The following CNTN3 variants were observed in gnomAD, a reference collection of about 807,000 sequenced individuals.
CNTN3 encodes contactin 3.
Under a neutral mutation model 119.1 loss-of-function variants are expected in CNTN3, and 60 were observed. The observed-to-expected ratio is 0.50, with a 90% confidence interval of 0.41 to 0.62. The LOEUF (loss-of-function observed/expected upper bound fraction) is 0.62. CNTN3 is among the 20% of genes least tolerant of loss of function. CNTN3 has a pLI of 0.00. For missense variants in CNTN3, 1,101 were observed against 1,242.4 expected, an observed-to-expected ratio of 0.89 and a Z score of 1.71; for synonymous variants, 450 against 438.7, an observed-to-expected ratio of 1.03 and a Z score of -0.32.
intron 1 of CNTN3, among the ~76,000 whole-genome samples, chr3:74,573,519 G>A (rs1045977192): frequency 3.9e-5 from 6 of 151,902 alleles, no homozygotes; most frequent in African/African-American, 1.5e-4. Context: ...TCAGAGAATG[G>A]GACAAAATAT....
rs549187070 is a variant in CNTN3, at chr3:74,491,498, TCAAAAAA to T, written c.183-4874_183-4868del. On this transcript the variant is annotated intron_variant, in intron 3 of 22. Transcript: ENST00000263665. ...GTTGGCAACAGAACCAGATCCTGTCTCAAAAAACAAAAAACAAAAAACAAACAAACAA... is the reference window on the plus strand; with the variant it reads ...GTTGGCAACAGAACCAGATCCTGTCTCAAAAAACAAAAAACAAACAAACAA... Among the ~76,000 whole-genome samples the T allele has an allele frequency of 6.1e-3, 924 of 152,102 alleles. 11 individuals carry two copies. The highest frequency in any genetic ancestry group is 0.02 in the African/African-American group (843 of 41,484).
intron 4 of CNTN3, among the ~76,000 whole-genome samples, chr3:74,437,403 A>G (rs995420105): frequency 6.6e-6 from 1 of 152,104 alleles, no homozygotes; most frequent in Non-Finnish European, 1.5e-5. Flanking sequence ...CAGAGCTTGC[A>G]GTGAGCCGAG....
At chr3:74,524,516 C>T (rs747190213) in intron 1 of CNTN3, among the ~76,000 whole-genome samples, 30 of 151,694 alleles carry the variant, frequency 2.0e-4, no homozygotes, top group Admixed American at 1.2e-3. Flanking sequence ...AATTGGGGTA[C>T]AGAGGAAGAA....
At chr3:74,337,389 A>G (rs1003778668) in intron 11 of CNTN3, among the ~76,000 whole-genome samples, 4 of 152,174 alleles carry the variant, frequency 2.6e-5, no homozygotes, top group Non-Finnish European at 4.4e-5. Context: ...ATAATATTCC[A>G]GTGAGTAGCA....
chr3:74,271,746 C>A (rs981613040), intron 20 of CNTN3, among the ~76,000 whole-genome samples: 1 of 152,120 alleles, frequency 6.6e-6, no homozygotes, highest in African/African-American at 2.4e-5. Context: ...TGTAACTAAG[C>A]TGCTTAAACA....
At chr3:74,472,487 A>G (rs1298575344) in intron 4 of CNTN3, among the ~76,000 whole-genome samples, 2 of 152,326 alleles carry the variant, frequency 1.3e-5, no homozygotes, top group East Asian at 3.9e-4. Flanking sequence ...ATATCCTAAG[A>G]TATCTTCAGT....
At chr3:74,322,169 CA>C (rs35201394) in intron 13 of CNTN3, among the ~76,000 whole-genome samples, 45,166 of 94,138 alleles carry the variant, frequency 0.48, 6,870 homozygotes, top group East Asian at 0.65. Context: ...CTGGGTGACT[CA>C]AAAAAAAAAA....
intron 2 of CNTN3, 94 bp downstream of exon 2, chr3:74,520,964 G>C (rs1468419533): frequency 8.4e-6 from 5 of 598,122 alleles, no homozygotes; most frequent in Non-Finnish European, 1.1e-5. Context: ...CTTTGCTACT[G>C]GTGGAGTTTT....
chr3:74,327,275 T>A (rs563227003), intron 13 of CNTN3, among the ~76,000 whole-genome samples: 5 of 151,890 alleles, frequency 3.3e-5, no homozygotes, highest in Admixed American at 1.3e-4. Context: ...ATTACAGGCA[T>A]GTGCCACCAC....
intron 1 of CNTN3, among the ~76,000 whole-genome samples, chr3:74,564,868 G>A (rs78027210): frequency 3.3e-5 from 5 of 152,080 alleles, no homozygotes; most frequent in South Asian, 2.1e-4. Flanking sequence ...CAAAGATACC[G>A]ACATCGTGGA....
At chr3:74,349,593 T>G (rs1703769074) in intron 11 of CNTN3, among the ~76,000 whole-genome samples, 1 of 152,260 alleles carries the variant, frequency 6.6e-6, no homozygotes, top group East Asian at 1.9e-4. Flanking sequence ...AACTTGATTT[T>G]GTTAAAACAG....
At chr3:74,317,332 T>G (rs1168902861) in intron 13 of CNTN3, among the ~76,000 whole-genome samples, 1 of 150,266 alleles carries the variant, frequency 6.7e-6, no homozygotes, top group African/African-American at 2.5e-5. Context: ...ATTTAGCCCA[T>G]TTACATTTAA....
chr3:74,303,921 C>T (rs1702508665), intron 13 of CNTN3, among the ~76,000 whole-genome samples: 1 of 151,934 alleles, frequency 6.6e-6, no homozygotes, highest in Non-Finnish European at 1.5e-5. Context: ...GAAACCAAAG[C>T]CCTTGGAAAA....
intron 13 of CNTN3, among the ~76,000 whole-genome samples, chr3:74,316,716 G>T (rs1486729837): frequency 1.3e-5 from 2 of 152,018 alleles, no homozygotes; most frequent in Non-Finnish European, 2.9e-5. Context: ...ACGAGGTCAG[G>T]AGATCGAGAC....
chr3:74,614,539 G>A lies in CNTN3; in HGVS notation c.-229C>T, dbSNP rs1004648788. Among the ~76,000 whole-genome samples, 11 of 147,382 alleles carry A rather than the reference G, an allele frequency of 7.5e-5. No homozygotes were observed. Among genetic ancestry groups the A allele is most frequent in the African/African-American group, 2.7e-4 (11 of 40,886 alleles). On this transcript the variant is annotated 5_prime_UTR_variant, in exon 1 of 23. Coordinates refer to ENST00000263665, the MANE Select transcript of CNTN3 (RefSeq NM_020872.3). ...CGCGTAAGCCGCCGCCGCCGCAGGCGCAGCACCCTCGTCCGCACGGTTCCC... is the reference window on the plus strand; with the variant it reads ...CGCGTAAGCCGCCGCCGCCGCAGGCACAGCACCCTCGTCCGCACGGTTCCC...
At chr3:74,404,882 G>A (rs1180652326) in intron 5 of CNTN3, among the ~76,000 whole-genome samples, 6 of 151,830 alleles carry the variant, frequency 4.0e-5, no homozygotes, top group African/African-American at 2.4e-5. Flanking sequence ...CCAGTGGTAG[G>A]GACAGGTAAT....
At chr3:74,361,795 G>A in intron 11 of CNTN3, 95 bp downstream of exon 11, 9 of 1,274,072 alleles carry the variant, frequency 7.1e-6, no homozygotes, top group Non-Finnish European at 9.6e-6. Flanking sequence ...CTACTGAAAT[G>A]CTATTTTGTT....
chr3:74,466,705 T>C (rs1702466866), intron 4 of CNTN3, among the ~76,000 whole-genome samples: 1 of 152,140 alleles, frequency 6.6e-6, no homozygotes, highest in Non-Finnish European at 1.5e-5. Flanking sequence ...TTTCAGTGAA[T>C]GCATTAAAAC....
intron 5 of CNTN3, among the ~76,000 whole-genome samples, chr3:74,412,265 C>T (rs1701452551): frequency 6.6e-6 from 1 of 152,126 alleles, no homozygotes; most frequent in Non-Finnish European, 1.5e-5. Flanking sequence ...GCTTAGCTGA[C>T]TGATTTATCC....
Sources: gnomAD v4.1 joint callset for allele counts (sites outside exome capture counted in the v4.1 genomes callset) on GRCh38, gnomAD v4.1.1 for gene constraint, MANE v1.5 for transcripts, NCBI Gene and HGNC (gene_info 2026-07-23, HGNC 2026-07-21) for gene names.